The following ZSWIM5 variants were observed in gnomAD, a reference collection of about 807,000 sequenced individuals.
The protein encoded by ZSWIM5 is zinc finger SWIM-type containing 5.
Under a neutral mutation model 119.6 loss-of-function variants are expected in ZSWIM5, and 55 were observed. The ratio of observed to expected loss-of-function variants is 0.46; its 90% confidence interval spans 0.37 to 0.58. ZSWIM5 has a LOEUF of 0.58. Ranked by LOEUF, ZSWIM5 falls within the 20% of genes least tolerant of loss-of-function variation. The pLI is 0.00. For missense variants in ZSWIM5, 1,193 were observed against 1,512.8 expected (o/e 0.79, Z 3.51); for synonymous variants, 537 against 606.9 (o/e 0.88, Z 1.69).
At chr1:45,058,521 G>C in intron 4 of ZSWIM5, 88 bp downstream of exon 4, 1 of 1,529,704 alleles carries the variant, frequency 6.5e-7, no homozygotes, top group Non-Finnish European at 8.9e-7. Context: ...CAAGATCCAT[G>C]CAACGACTGA....
chr1:45,066,456 C>G (rs567384144), intron 2 of ZSWIM5, among the ~76,000 whole-genome samples: 1 of 152,242 alleles, frequency 6.6e-6, no homozygotes, highest in East Asian at 1.9e-4. Context: ...AAGAAGGCTT[C>G]TCTGAGAAAG....
At chr1:45,091,392 C>T (rs1645363473) in intron 1 of ZSWIM5, among the ~76,000 whole-genome samples, 2 of 151,594 alleles carry the variant, frequency 1.3e-5, no homozygotes, top group South Asian at 4.2e-4. Flanking sequence ...AAAGGTGGCT[C>T]ATGCCTGTAA....
At chr1:45,176,700 A>G (rs1645983763) in intron 1 of ZSWIM5, among the ~76,000 whole-genome samples, 1 of 152,002 alleles carries the variant, frequency 6.6e-6, no homozygotes, top group Non-Finnish European at 1.5e-5. Context: ...GCCAATAAGG[A>G]CATTCTTCTC....
At chr1:45,196,037 T>G (rs1425780636) in intron 1 of ZSWIM5, among the ~76,000 whole-genome samples, 2 of 142,746 alleles carry the variant, frequency 1.4e-5, no homozygotes, top group East Asian at 4.0e-4. Flanking sequence ...CCAGCTAGTT[T>G]TTTTTTTTTT....
Position 45,067,451 on chromosome 1 carries a change from A to AAAG in ZSWIM5, c.953-7205_953-7204insCTT, listed in dbSNP as rs1553191168. 5.9e-4 allele frequency among the ~76,000 whole-genome samples: 81 copies of AAAG among 136,716 alleles called. 1 individual carries two copies. The South Asian group carries it at 9.4e-3, about 16-fold the overall frequency. 89.7% of individuals were successfully genotyped at this position (136,716 alleles called of 152,430 possible). A position where few individuals can be genotyped will look rare whatever the true frequency, so the allele number is the denominator to read the frequency against. On this transcript the variant is annotated intron_variant, in intron 2 of 13. Transcript: ENST00000359600. ...TAAGACCCTGCCTCAAAAAAAAAAA[A>AAAG]AAAGAAAGAAAGAAAGAAAGAAATA...
chr1:45,121,075 G>A (rs758973810), intron 1 of ZSWIM5, among the ~76,000 whole-genome samples: 49 of 151,958 alleles, frequency 3.2e-4, no homozygotes, highest in Middle Eastern at 3.4e-3. Flanking sequence ...TTAGCCTCCC[G>A]AGTAGCTGGG....
chr1:45,065,169 C>T (rs1246733560), intron 2 of ZSWIM5, among the ~76,000 whole-genome samples: 2 of 152,114 alleles, frequency 1.3e-5, no homozygotes, highest in Non-Finnish European at 2.9e-5. Flanking sequence ...TTCAGGAGAT[C>T]CATAGAGATA....
At chr1:45,172,696 A>T (rs1336808764) in intron 1 of ZSWIM5, among the ~76,000 whole-genome samples, 1 of 152,136 alleles carries the variant, frequency 6.6e-6, no homozygotes, top group Non-Finnish European at 1.5e-5. Context: ...AAGGAACTAC[A>T]AAGATTGCTA....
intron 1 of ZSWIM5, among the ~76,000 whole-genome samples, chr1:45,133,735 T>C (rs1428092470): frequency 2.6e-5 from 4 of 152,276 alleles, no homozygotes; most frequent in African/African-American, 9.6e-5. Context: ...AGGGTTTTTA[T>C]GGTTTTGGGT....
In ZSWIM5 at chr1:45,044,804, AATATATATATAT is replaced by A. The variant is rs1239066301; in HGVS notation, c.1433-1421_1433-1410del. On this transcript the variant is annotated intron_variant, in intron 5 of 13. Coordinates refer to ENST00000359600, the MANE Select transcript of ZSWIM5 (RefSeq NM_020883.2). ...ATATATATATAAATATATATATATA[AATATATATATAT>A]ATATAAATATATATATATAAATATA... Among the ~76,000 whole-genome samples, 6 of 2,352 alleles carry A rather than the reference AATATATATATAT, an allele frequency of 2.6e-3. 2 individuals are homozygous for A. Among genetic ancestry groups the A allele is most frequent in the African/African-American group, 6.9e-3 (6 of 874 alleles). 1.5% of individuals were successfully genotyped at this position (2,352 alleles called of 152,430 possible). A position where few individuals can be genotyped will look rare whatever the true frequency, so the allele number is the denominator to read the frequency against.
chr1:45,120,043 T>C (rs1388347116), intron 1 of ZSWIM5, among the ~76,000 whole-genome samples: 1 of 152,174 alleles, frequency 6.6e-6, no homozygotes, highest in African/African-American at 2.4e-5. Context: ...TGCTGAACAT[T>C]GCTATCAAAA....
At chr1:45,109,184 A>G (rs1645499230) in intron 1 of ZSWIM5, among the ~76,000 whole-genome samples, 1 of 152,202 alleles carries the variant, frequency 6.6e-6, no homozygotes, top group Non-Finnish European at 1.5e-5. Flanking sequence ...TCCACATTCT[A>G]CAGTAACCTG....
intron 12 of ZSWIM5, 43 bp downstream of exon 12, chr1:45,020,582 G>A (rs1488435427): frequency 1.9e-6 from 3 of 1,596,384 alleles, no homozygotes; most frequent in Non-Finnish European, 2.6e-6. Flanking sequence ...ACTGTCACTA[G>A]GTCAGCGGTC....
At chr1:45,049,912 G>T (rs141407233) in intron 5 of ZSWIM5, among the ~76,000 whole-genome samples, 1,681 of 152,320 alleles carry the variant, frequency 0.011, 11 homozygotes, top group Non-Finnish European at 0.019. Flanking sequence ...GGGTAAAGAA[G>T]TGGCAAAATT....
rs768199750 is a variant in ZSWIM5 at position 45,038,994 on chromosome 1, C to T, written c.1836G>A (p.Leu612=). The part of the protein sequence containing the change: ...VGHPLDPIDC[L]FLTLTEACRL... ...GGCAGGCCTCAGTCAAAGTGAGAAACAGGCAGTCGATGGGATCCAGGGGGT... is the reference window on the plus strand; with the variant it reads ...GGCAGGCCTCAGTCAAAGTGAGAAATAGGCAGTCGATGGGATCCAGGGGGT... The change falls in exon 8 of 14, where the codon CTG becomes CTA. Residue 612 remains leucine (L), a synonymous_variant. Transcript: ENST00000359600. 2.5e-5 allele frequency: 41 copies of T among 1,614,132 alleles called. 1 individual carries two copies. In the South Asian group the frequency reaches 3.4e-4, roughly 13 times the overall value.
At chr1:45,122,675 A>G (rs1386869813) in intron 1 of ZSWIM5, among the ~76,000 whole-genome samples, 1 of 152,164 alleles carries the variant, frequency 6.6e-6, no homozygotes, top group Non-Finnish European at 1.5e-5. Context: ...ATGCCAACAG[A>G]TGCAGACCAA....
intron 1 of ZSWIM5, among the ~76,000 whole-genome samples, chr1:45,111,984 G>C (rs1051772357): frequency 6.6e-6 from 1 of 151,986 alleles, no homozygotes; most frequent in Non-Finnish European, 1.5e-5. Flanking sequence ...ATACTGCCTG[G>C]GTTCATATTA....
At chr1:45,147,511 A>T (rs568072057) in intron 1 of ZSWIM5, among the ~76,000 whole-genome samples, 1 of 150,558 alleles carries the variant, frequency 6.6e-6, no homozygotes, top group South Asian at 2.1e-4. Flanking sequence ...GCAGAACACA[A>T]CTGTACATTC....
At chr1:45,205,162 G>C (rs1646180041) in intron 1 of ZSWIM5, among the ~76,000 whole-genome samples, 1 of 150,876 alleles carries the variant, frequency 6.6e-6, no homozygotes, top group South Asian at 2.1e-4. Context: ...GTGTGGAGGA[G>C]AAGCTGTCAC....
Sources: gnomAD v4.1 joint callset for allele counts (sites outside exome capture counted in the v4.1 genomes callset) on GRCh38, gnomAD v4.1.1 for gene constraint, MANE v1.5 for transcripts, NCBI Gene and HGNC (gene_info 2026-07-23, HGNC 2026-07-21) for gene names.